Variants in FARP1 observed in about 807,000 individuals in gnomAD.
The protein encoded by FARP1 is FERM, ARH/RhoGEF and pleckstrin domain protein 1.
A neutral mutation model predicts 128.8 loss-of-function variants in FARP1; 52 were observed. That is an observed-to-expected ratio of 0.40 (90% confidence interval 0.32 to 0.51). The LOEUF is 0.51. Ranked by LOEUF, FARP1 falls within the 20% of genes least tolerant of loss-of-function variation. The pLI is 0.45. For missense variants in FARP1, 1,333 were observed against 1,367.9 expected, an observed-to-expected ratio of 0.97 and a Z score of 0.40; for synonymous variants, 580 against 551.8, an observed-to-expected ratio of 1.05 and a Z score of -0.72.
chr13:98,212,255 T>C (rs1333512636), intron 1 of FARP1, among the ~76,000 whole-genome samples: 1 of 152,104 alleles, frequency 6.6e-6, no homozygotes, highest in Non-Finnish European at 1.5e-5. Context: ...GGGGTTTCAC[T>C]ATGTTGGCCA....
intron 1 of FARP1, among the ~76,000 whole-genome samples, chr13:98,198,334 T>A (rs1318046958): frequency 6.6e-6 from 1 of 152,180 alleles, no homozygotes; most frequent in East Asian, 1.9e-4. Flanking sequence ...AGCCCAAAAC[T>A]GGAAGCAACC....
At chr13:98,178,582 C>G (rs1023279816) in intron 1 of FARP1, among the ~76,000 whole-genome samples, 1 of 151,998 alleles carries the variant, frequency 6.6e-6, no homozygotes, top group Non-Finnish European at 1.5e-5. Flanking sequence ...GATTCTAGTT[C>G]TTATTTAGCC....
chr13:98,339,208 A>G (rs1345213063), intron 2 of FARP1, among the ~76,000 whole-genome samples: 1 of 152,218 alleles, frequency 6.6e-6, no homozygotes, highest in African/African-American at 2.4e-5. Flanking sequence ...TCATAGTTCC[A>G]CAGCCTCTTC....
chr13:98,279,086 C>T (rs762159847), intron 2 of FARP1, among the ~76,000 whole-genome samples: 8 of 151,840 alleles, frequency 5.3e-5, no homozygotes, highest in Admixed American at 3.9e-4. Flanking sequence ...CTGCCCGCCT[C>T]GGCCTCCCAA....
In FARP1 at chr13:98,409,356, C is replaced by T. The variant is rs1400097324; in HGVS notation, c.1433C>T (p.Pro478Leu). ...QPSTGSLTGSPHLSELSVNSQ... is the reference protein window; with the variant it reads ...QPSTGSLTGSLHLSELSVNSQ... The stretch of plus-strand genomic sequence containing the variant: ...CAAACAGGCTCCCTGACTGGCAGTC[C>T]TCACCTTTCCGAGCTGTCTGTGAAC... The change falls in exon 14 of 27, where the codon CCT becomes CTT. Residue 478 changes from proline to leucine, a missense_variant. Pro to Leu is a moderately conservative substitution (Grantham distance 98, BLOSUM62 -3). Coordinates refer to ENST00000319562, the MANE Select transcript of FARP1 (RefSeq NM_005766.4). The T allele has an allele frequency of 1.9e-6, 3 of 1,612,936 alleles. No individual in the cohort carries two copies. Among genetic ancestry groups the T allele is most frequent in the Admixed American group, 1.7e-5 (1 of 59,886 alleles).
chr13:98,393,767 CT>C, intron 12 of FARP1, 49 bp downstream of exon 12: 1 of 1,394,998 alleles, frequency 7.2e-7, no homozygotes, highest in Non-Finnish European at 1.0e-6. Flanking sequence ...CCCACACTTC[CT>C]CCACGGAGCC....
In FARP1 at chr13:98,377,807, G is replaced by C; in HGVS notation, c.399-14G>C. The C allele has an allele frequency of 6.2e-7, 1 of 1,610,396 alleles. No individual in the cohort carries two copies. The highest frequency in any genetic ancestry group is 8.5e-7 in the Non-Finnish European group (1 of 1,176,674). Reference sequence around the variant, plus strand: ...CCCTCTTTGCCTGACGCCCAGCTCTGTTGATCTTCGCAGGTACCTGTTCGC... The same window carrying C: ...CCCTCTTTGCCTGACGCCCAGCTCTCTTGATCTTCGCAGGTACCTGTTCGC... On this transcript the variant is annotated splice_polypyrimidine_tract_variant and intron_variant, in intron 5 of 26. Coordinates refer to ENST00000319562, the MANE Select transcript of FARP1 (RefSeq NM_005766.4).
rs573784729 is a variant in FARP1, at chr13:98,438,859, G to A, written c.2330G>A (p.Arg777His). 16 of 1,613,600 alleles carry A rather than the reference G, an allele frequency of 9.9e-6. No individual in the cohort carries two copies. The East Asian group carries it at 1.3e-4, about 13-fold the overall frequency. The change falls in exon 20 of 27, where the codon CGC becomes CAC. Residue 777 changes from arginine (R) to histidine (H), a missense_variant. Around this residue, in one of 2 missense-constraint regions of FARP1, gnomAD observed 1,009 missense variants for 969.8 expected, o/e 1.04. Transcript: ENST00000319562. ...CTCTCGGGGAAGGGGCTCCAGCAGC[G>A]CATGTTCTTCCTGGTGAGTGGAGAG... ...SKLSGKGLQQ[R>H]MFFLFNDVLL...
intron 1 of FARP1, among the ~76,000 whole-genome samples, chr13:98,207,716 A>C (rs1175573841): frequency 4.6e-5 from 7 of 152,094 alleles, no homozygotes; most frequent in Admixed American, 1.3e-4. Flanking sequence ...CGAAAAGTGC[A>C]TGGAGGGGCT....
intron 3 of FARP1, among the ~76,000 whole-genome samples, chr13:98,346,863 A>T (rs372851446): frequency 6.6e-6 from 1 of 152,324 alleles, no homozygotes; most frequent in African/African-American, 2.4e-5. Flanking sequence ...CTTGATCTGG[A>T]TGCTGGTTCC....
intron 2 of FARP1, among the ~76,000 whole-genome samples, chr13:98,270,855 T>G (rs1348228901): frequency 2.0e-5 from 3 of 152,148 alleles, no homozygotes; most frequent in Admixed American, 6.5e-5. Context: ...CGCAAGGCAG[T>G]GTACAGAGAT....
chr13:98,162,576 G>C (rs1876963404), intron 1 of FARP1, among the ~76,000 whole-genome samples: 1 of 152,154 alleles, frequency 6.6e-6, no homozygotes. Flanking sequence ...CCCATGGTCT[G>C]TAAAAGCCTT....
intron 2 of FARP1, among the ~76,000 whole-genome samples, chr13:98,287,875 C>T (rs1885265489): frequency 6.7e-6 from 1 of 148,254 alleles, no homozygotes; most frequent in Non-Finnish European, 1.5e-5. Flanking sequence ...GGTCTCGGCT[C>T]ACTGCAACCT....
Position 98,391,981 on chromosome 13 carries a change from T to C in FARP1, c.1088+1101T>C, listed in dbSNP as rs1407732161. ...GGAAGTCAGCAAACACCCAGATTCC[T>C]ACTACTTAGAATTAACGGCCATTAA... On this transcript the variant is annotated intron_variant, in intron 11 of 26. Coordinates refer to ENST00000319562, the MANE Select transcript of FARP1 (RefSeq NM_005766.4). Among the ~76,000 whole-genome samples the C allele has an allele frequency of 9.2e-5, 14 of 152,228 alleles. 1 individual carries two copies. The highest frequency in any genetic ancestry group is 2.6e-4 in the Admixed American group (4 of 15,280).
chr13:98,419,390 C>G (rs1234242970), intron 16 of FARP1, among the ~76,000 whole-genome samples: 39 of 151,972 alleles, frequency 2.6e-4, no homozygotes, highest in Non-Finnish European at 1.5e-5. Flanking sequence ...AGGAGAATCA[C>G]TTGAACCCAG....
chr13:98,287,204 A>AGGCCTTTTTTTTTTTTT (rs1327624660), intron 2 of FARP1, among the ~76,000 whole-genome samples: 4 of 114,846 alleles, frequency 3.5e-5, no homozygotes, highest in Non-Finnish European at 7.4e-5. Flanking sequence ...ACCATCAGAC[A>AGGCCTTTTTTTTTTTTT]TGTCTTTTTT....
At chr13:98,441,251 T>A (rs973822153) in intron 24 of FARP1, among the ~76,000 whole-genome samples, 2 of 152,192 alleles carry the variant, frequency 1.3e-5, no homozygotes, top group Admixed American at 6.5e-5. Context: ...GAGGAGAGTC[T>A]GCACGATGGC....
rs866221948 is a variant in FARP1, at chr13:98,412,063, T to A, written c.1826+29T>A. On this transcript the variant is annotated intron_variant, in intron 16 of 26. Coordinates refer to ENST00000319562, the MANE Select transcript of FARP1 (RefSeq NM_005766.4). ...AGTACATTTCTACTTCCCAGCTACG[T>A]TCCTCCCTCCGTCTTGCTTGTGTTA... 1.0e-5 allele frequency: 16 copies of A among 1,606,412 alleles called. No homozygotes were observed. The Middle Eastern group carries it at 2.5e-3, about 250-fold the overall frequency.
chr13:98,434,716 C>T (rs957573169), intron 18 of FARP1: 5 of 152,224 alleles, frequency 3.3e-5, no homozygotes, highest in African/African-American at 1.2e-4. Flanking sequence ...AAATAAAGGC[C>T]TGATGTGGTG....
Sources: allele counts gnomAD v4.1 joint callset (sites outside exome capture counted in the v4.1 genomes callset), GRCh38; gene constraint gnomAD v4.1.1; regional missense constraint gnomAD v4.1.1; transcripts MANE v1.5; gene names NCBI Gene and HGNC (gene_info 2026-07-23, HGNC 2026-07-21).